Variants in HSD17B2 observed in about 807,000 individuals in gnomAD.
HSD17B2 encodes hydroxysteroid 17-beta dehydrogenase 2.
A neutral mutation model predicts 26.9 loss-of-function variants in HSD17B2; 32 were observed. The observed-to-expected ratio is 1.19, with a 90% CI of 0.90 to 1.60. HSD17B2 has a LOEUF of 1.60. Among genes scored for constraint, HSD17B2 ranks in the 40% most tolerant of loss-of-function variants. HSD17B2 has a pLI of 0.00. For synonymous variants in HSD17B2, 246 were observed against 186.7 expected (o/e 1.32, Z -2.59); for missense variants, 613 against 468.6 (o/e 1.31, Z -2.85).
rs1474166492 is a variant in HSD17B2, at chr16:82,052,981, C to T, written c.266-15189C>T. On this transcript the variant is annotated intron_variant, in intron 1 of 4. Coordinates refer to ENST00000199936, the MANE Select transcript of HSD17B2 (RefSeq NM_002153.3). ...CATGCCAGCTTAGGTCTCTCTTCCT[C>T]TTCTTATAAAGCCACCAGCCCCTCT... Among the ~76,000 whole-genome samples the T allele has an allele frequency of 4.6e-5, 7 of 152,230 alleles. No homozygotes were observed. In the South Asian group the frequency reaches 1.2e-3, roughly 27 times the overall value.
chr16:82,079,583 A>G (rs1904329076), intron 3 of HSD17B2, among the ~76,000 whole-genome samples: 1 of 152,206 alleles, frequency 6.6e-6, no homozygotes, highest in African/African-American at 2.4e-5. Context: ...GTACTGCCAC[A>G]TACAAACTTT....
chr16:82,064,085 AG>A, intron 1 of HSD17B2, among the ~76,000 whole-genome samples: 1 of 152,350 alleles, frequency 6.6e-6, no homozygotes, highest in Non-Finnish European at 1.5e-5. Context: ...CCAGTATCAC[AG>A]GGCTTGCCTA....
chr16:82,086,062 T>C (rs2142363118), intron 3 of HSD17B2, among the ~76,000 whole-genome samples: 1 of 152,246 alleles, frequency 6.6e-6, no homozygotes, highest in South Asian at 2.1e-4. Context: ...TGGAAAACAT[T>C]TGGCAGTTCC....
intron 1 of HSD17B2, among the ~76,000 whole-genome samples, chr16:82,055,878 C>T (rs1384914251): frequency 6.6e-6 from 1 of 152,086 alleles, no homozygotes; most frequent in Non-Finnish European, 1.5e-5. Context: ...GTGAGGAGTA[C>T]TGGAGTGAGT....
chr16:82,063,506 A>G (rs16956360), intron 1 of HSD17B2, among the ~76,000 whole-genome samples: 3,215 of 152,198 alleles, frequency 0.021, 105 homozygotes, highest in African/African-American at 0.072. Context: ...ACACAAGCAG[A>G]TGGTCTCCCG....
At chr16:82,068,142 C>T (rs747374880) in intron 1 of HSD17B2, 28 bp from the exon 2 acceptor site, 2 of 1,596,716 alleles carry the variant, frequency 1.3e-6, no homozygotes, top group Admixed American at 1.7e-5. Context: ...GGTTTGACCT[C>T]ACTCCCTACT....
chr16:82,083,846 C>T (rs1311042584), intron 3 of HSD17B2, among the ~76,000 whole-genome samples: 1 of 152,184 alleles, frequency 6.6e-6, no homozygotes, highest in Non-Finnish European at 1.5e-5. Flanking sequence ...ATCCCTCCCA[C>T]ATAAATAGCA....
intron 3 of HSD17B2, among the ~76,000 whole-genome samples, chr16:82,080,181 G>A (rs1301803503): frequency 1.3e-5 from 2 of 152,220 alleles, no homozygotes; most frequent in African/African-American, 2.4e-5. Context: ...ATCTCAGGCT[G>A]TTGTGAGTAG....
At chr16:82,076,766 G>T (rs1406972319) in intron 3 of HSD17B2, among the ~76,000 whole-genome samples, 4 of 152,186 alleles carry the variant, frequency 2.6e-5, no homozygotes, top group Non-Finnish European at 4.4e-5. Context: ...TTTTAGTAGA[G>T]ACAGGGTTTC....
intron 1 of HSD17B2, among the ~76,000 whole-genome samples, chr16:82,067,789 A>C (rs1914606871): frequency 6.6e-6 from 1 of 152,254 alleles, no homozygotes; most frequent in South Asian, 2.1e-4. Context: ...AAGGTTTTAC[A>C]GAGTGAGTGA....
intron 1 of HSD17B2, among the ~76,000 whole-genome samples, chr16:82,053,159 T>C (rs1210130073): frequency 6.6e-6 from 1 of 152,200 alleles, no homozygotes; most frequent in South Asian, 2.1e-4. Context: ...TAAAAGTTGC[T>C]AAGAACTTTT....
At chr16:82,035,711 T>G (rs770041646) in intron 1 of HSD17B2, 22 bp downstream of exon 1, 12 of 1,608,442 alleles carry the variant, frequency 7.5e-6, no homozygotes, top group Non-Finnish European at 9.3e-6. Flanking sequence ...GTGCTACAAT[T>G]TTCACTGAGG....
intron 1 of HSD17B2, 53 bp downstream of exon 1, chr16:82,035,742 T>C: frequency 6.4e-7 from 1 of 1,572,634 alleles, no homozygotes; most frequent in Non-Finnish European, 8.7e-7. Context: ...AAACTTGCTT[T>C]GCCTTAGCAG....
chr16:82,069,069 C>T (rs570114358), intron 2 of HSD17B2, among the ~76,000 whole-genome samples: 60 of 152,258 alleles, frequency 3.9e-4, no homozygotes, highest in African/African-American at 1.3e-3. Flanking sequence ...GCTCTACCTC[C>T]CCTCCCTCCA....
At chr16:82,049,665 A>C (rs2143934795) in intron 1 of HSD17B2, among the ~76,000 whole-genome samples, 1 of 152,376 alleles carries the variant, frequency 6.6e-6, no homozygotes, top group South Asian at 2.1e-4. Flanking sequence ...ACATTCCCAT[A>C]AACAAGAGAG....
chr16:82,070,849 C>T (rs149077437), intron 2 of HSD17B2, 93 bp from the exon 3 acceptor site: 338 of 1,225,762 alleles, frequency 2.8e-4, no homozygotes, highest in Non-Finnish European at 2.5e-4. Flanking sequence ...CTGGCTCACA[C>T]GTAACACCTC....
At chr16:82,088,949 TGAGA>T (rs1191569972) in intron 3 of HSD17B2, among the ~76,000 whole-genome samples, 1 of 152,186 alleles carries the variant, frequency 6.6e-6, no homozygotes, top group Non-Finnish European at 1.5e-5. Flanking sequence ...ACCAATTGTC[TGAGA>T]GAAAGAATAA....
chr16:82,058,736 A>C (rs1339473827), intron 1 of HSD17B2, among the ~76,000 whole-genome samples: 4 of 152,170 alleles, frequency 2.6e-5, no homozygotes, highest in Non-Finnish European at 5.9e-5. Flanking sequence ...TTCCTTTGTG[A>C]ATATAGAATC....
chr16:82,080,748 C>T (rs1455998041), intron 3 of HSD17B2, among the ~76,000 whole-genome samples: 2 of 152,116 alleles, frequency 1.3e-5, no homozygotes, highest in Non-Finnish European at 2.9e-5. Flanking sequence ...AACTTCATTC[C>T]TCCCAATCTC....
Sources: gnomAD v4.1 joint callset for allele counts (sites outside exome capture counted in the v4.1 genomes callset) on GRCh38, gnomAD v4.1.1 for gene constraint, MANE v1.5 for transcripts, NCBI Gene and HGNC (gene_info 2026-07-23, HGNC 2026-07-21) for gene names.